The following NHSL2 variants were observed in gnomAD, a reference collection of about 807,000 sequenced individuals.
NHSL2 encodes NHS like 2, also known as NHS-like protein 2.
NHSL2 carries 27 observed loss-of-function variants against 53.4 expected under a neutral mutation model. That is an observed-to-expected ratio of 0.51 (90% CI 0.37 to 0.70). The LOEUF (loss-of-function observed/expected upper bound fraction) is 0.70. Ranked by LOEUF, NHSL2 falls within the 30% of genes least tolerant of loss-of-function variation. The pLI is 0.00. For missense variants in NHSL2, 892 were observed against 980.1 expected (o/e 0.91, Z 1.20); for synonymous variants, 408 against 404.1 (o/e 1.01, Z -0.12).
intron 1 of NHSL2, among the ~76,000 whole-genome samples, chrX:72,093,547 A>G (rs929097705): frequency 1.8e-5 from 2 of 112,098 alleles, no homozygotes; most frequent in Non-Finnish European, 3.8e-5. Context: ...GCTTCCTTCC[A>G]AAGTCCAAGG....
At chrX:72,084,126 C>T (rs2041815127) in intron 1 of NHSL2, among the ~76,000 whole-genome samples, 2 of 112,572 alleles carry the variant, frequency 1.8e-5, no homozygotes, top group African/African-American at 3.2e-5. Flanking sequence ...TAGCATCTCT[C>T]ACATTCCCAT....
At chrX:72,067,233 G>T (rs962709620) in intron 1 of NHSL2, among the ~76,000 whole-genome samples, 1 of 111,551 alleles carries the variant, frequency 9.0e-6, no homozygotes, top group Admixed American at 9.5e-5. Flanking sequence ...GGGTACACAA[G>T]TGTGTCCAGG....
chrX:71,990,210 A>G (rs1363358090), intron 1 of NHSL2, among the ~76,000 whole-genome samples: 2 of 111,697 alleles, frequency 1.8e-5, no homozygotes, highest in African/African-American at 6.5e-5. Context: ...ACTGAATGGG[A>G]TTTCCCCAGG....
In NHSL2 at chrX:72,129,798, G is replaced by A. The variant is rs746650508; in HGVS notation, c.281-2281G>A. Reference sequence around the variant, plus strand: ...GCAGGGGCGGGGGATGCAAAAGAAGGGTGTGTTCTGGGTGGCCATCTGGCC... The same window carrying A: ...GCAGGGGCGGGGGATGCAAAAGAAGAGTGTGTTCTGGGTGGCCATCTGGCC... On this transcript the variant is annotated intron_variant, in intron 1 of 7. Transcript: ENST00000633930. 2.6e-6 allele frequency: 3 copies of A among 1,152,399 alleles called. No homozygotes were observed. The African/African-American group carries it at 5.4e-5, about 21-fold the overall frequency. The allele number at this position is 1,152,399 out of a possible 1,213,427, so 95.0% of individuals were successfully genotyped here. A position where few individuals can be genotyped will look rare whatever the true frequency, so the allele number is the denominator to read the frequency against.
At chrX:71,984,886 C>T (rs898095272) in intron 1 of NHSL2, among the ~76,000 whole-genome samples, 5 of 104,514 alleles carry the variant, frequency 4.8e-5, no homozygotes, top group Admixed American at 2.1e-4. Context: ...TGCAGTGGCA[C>T]GATCTCGGCT....
chrX:72,012,275 AT>A lies in NHSL2; in HGVS notation c.280+100918del, dbSNP rs145334004. ...TTTAAGTTTCTGATCCATTTTGTTGATTTTTTTTTTGTATAAGGTGTGAGAT... is the reference window on the plus strand; with the variant it reads ...TTTAAGTTTCTGATCCATTTTGTTGATTTTTTTTTGTATAAGGTGTGAGAT... On this transcript the variant is annotated intron_variant, in intron 1 of 7. Transcript: ENST00000633930. Among the ~76,000 whole-genome samples the A allele has an allele frequency of 1.1e-3, 124 of 108,130 alleles. 1 individual carries two copies. Among genetic ancestry groups the A allele is most frequent in the African/African-American group, 3.8e-3 (113 of 29,822 alleles). The allele number at this position is 108,130 out of a possible 115,157, so 93.9% of individuals were successfully genotyped here.
intron 1 of NHSL2, chrX:72,069,599 G>T (rs2042454082): frequency 1.4e-6 from 1 of 721,290 alleles, no homozygotes; most frequent in South Asian, 7.9e-5. Flanking sequence ...GGCAGAGGAG[G>T]AGGAGGAGGA....
intron 1 of NHSL2, among the ~76,000 whole-genome samples, chrX:72,108,833 G>C (rs1223897451): frequency 9.0e-6 from 1 of 111,365 alleles, no homozygotes; most frequent in Non-Finnish European, 1.9e-5. Flanking sequence ...TCCCTTCCCC[G>C]CCCCAGACCA....
chrX:71,947,544 A>G (rs1478785195), intron 1 of NHSL2, among the ~76,000 whole-genome samples: 1 of 112,119 alleles, frequency 8.9e-6, no homozygotes, highest in Admixed American at 9.4e-5. Context: ...TGAAGAGGAA[A>G]AGGAAGTAAG....
intron 1 of NHSL2, among the ~76,000 whole-genome samples, chrX:72,072,802 T>C (rs1399961371): frequency 8.9e-6 from 1 of 112,436 alleles, no homozygotes; most frequent in Non-Finnish European, 1.9e-5. Context: ...ATACTTGTTA[T>C]TGCATGTTTA....
At chrX:72,113,377 A>G (rs960541220) in intron 1 of NHSL2, among the ~76,000 whole-genome samples, 9 of 110,726 alleles carry the variant, frequency 8.1e-5, no homozygotes, top group African/African-American at 2.6e-4. Flanking sequence ...CAAATGCTGA[A>G]CCCTGCTGTT....
chrX:72,036,796 TTC>T (rs1452839893), intron 1 of NHSL2, among the ~76,000 whole-genome samples: 2 of 112,455 alleles, frequency 1.8e-5, no homozygotes, highest in Admixed American at 1.9e-4. Flanking sequence ...GAGTTTTTAA[TTC>T]TGTTATTTTA....
intron 1 of NHSL2, among the ~76,000 whole-genome samples, chrX:71,936,581 A>C (rs2041739520): frequency 8.9e-6 from 1 of 112,603 alleles, no homozygotes; most frequent in Admixed American, 9.4e-5. Context: ...TATATATTAG[A>C]GATCTACAGA....
intron 1 of NHSL2, among the ~76,000 whole-genome samples, chrX:71,969,292 G>A (rs191518044): frequency 2.6e-3 from 269 of 104,338 alleles, no homozygotes; most frequent in African/African-American, 9.1e-3. Context: ...TAAGTTGAAC[G>A]GTTTTCTTTT....
At chrX:71,916,740 G>A (rs1313620010) in intron 1 of NHSL2, among the ~76,000 whole-genome samples, 1 of 112,122 alleles carries the variant, frequency 8.9e-6, no homozygotes, top group African/African-American at 3.2e-5. Context: ...ATTCCCTATG[G>A]TAAAAACAAA....
chrX:72,093,721 G>GCTTGCTTGCTTTCTTTCTTTCTTT (rs1216358306), intron 1 of NHSL2, among the ~76,000 whole-genome samples: 1 of 95,299 alleles, frequency 1.0e-5, no homozygotes. Context: ...TAGCTTGCTT[G>GCTTGCTTGCTTTCTTTCTTTCTTT]CTTTCTTTCT....
chrX:72,131,588 C>T, intron 1 of NHSL2: 1 of 1,114,391 alleles, frequency 9.0e-7, no homozygotes, highest in East Asian at 3.1e-5. Flanking sequence ...GAAAGGGGAA[C>T]TGGAACTACG....
chrX:71,923,083 G>A (rs1425855795), intron 1 of NHSL2, among the ~76,000 whole-genome samples: 1 of 111,838 alleles, frequency 8.9e-6, no homozygotes, highest in East Asian at 2.8e-4. Context: ...GGAAGGGGAA[G>A]AGCTAGTGAA....
chrX:72,054,736 G>C (rs1208815087), intron 1 of NHSL2, among the ~76,000 whole-genome samples: 1 of 111,131 alleles, frequency 9.0e-6, no homozygotes, highest in Non-Finnish European at 1.9e-5. Context: ...AGAAAGTCTT[G>C]CCTCCTCCCA....
Sources: allele counts gnomAD v4.1 joint callset (sites outside exome capture counted in the v4.1 genomes callset), GRCh38; gene constraint gnomAD v4.1.1; transcripts MANE v1.5; gene names NCBI Gene and HGNC (gene_info 2026-07-23, HGNC 2026-07-21).